Variants in SAMD3 observed in about 807,000 individuals in gnomAD.
The protein encoded by SAMD3 is sterile alpha motif domain containing 3, also known as sterile alpha motif domain-containing protein 3.
In SAMD3, 63 loss-of-function variants were observed where a neutral mutation model predicts 58.5. The observed-to-expected ratio is 1.08, with a 90% CI of 0.88 to 1.33. SAMD3 has a LOEUF of 1.33. Ranked by LOEUF, SAMD3 falls within the 40% of genes most tolerant of loss-of-function variation. SAMD3 has a pLI of 0.00. For synonymous variants in SAMD3, 220 were observed against 210.3 expected, an observed-to-expected ratio of 1.05 and a Z score of -0.40; for missense variants, 604 against 608.4, an observed-to-expected ratio of 0.99 and a Z score of 0.08.
rs551714875 is a variant in SAMD3 at position 130,174,864 on chromosome 6, C to T, written c.822+977G>A. ...GATATTTAAAGTACATACTTTCACCCGAGTTTTGCATGATGCATGATGCTG... is the reference window on the plus strand; with the variant it reads ...GATATTTAAAGTACATACTTTCACCTGAGTTTTGCATGATGCATGATGCTG... On this transcript the variant is annotated intron_variant, in intron 8 of 11. Transcript: ENST00000439090. Among the ~76,000 whole-genome samples, 12 of 152,222 alleles carry T rather than the reference C, an allele frequency of 7.9e-5. No individual in the cohort carries two copies. In the East Asian group the frequency reaches 1.7e-3, roughly 22 times the overall value.
At chr6:130,246,481 G>A (rs10872352) in intron 2 of SAMD3, among the ~76,000 whole-genome samples, 15,488 of 151,260 alleles carry the variant, frequency 0.1, 1,022 homozygotes, top group Admixed American at 0.15. Flanking sequence ...AGCTGTTTTC[G>A]GTAATCATGC....
intron 5 of SAMD3, among the ~76,000 whole-genome samples, chr6:130,198,044 C>T (rs1221089183): frequency 6.6e-6 from 1 of 152,152 alleles, no homozygotes; most frequent in Non-Finnish European, 1.5e-5. Context: ...CTCAGTCCTG[C>T]CTGCCAGAGA....
intron 1 of SAMD3, among the ~76,000 whole-genome samples, chr6:130,323,007 A>C (rs1776636574): frequency 6.6e-6 from 1 of 152,214 alleles, no homozygotes; most frequent in Non-Finnish European, 1.5e-5. Context: ...AAGTCAGACA[A>C]GGACTATCAT....
At chr6:130,313,946 TG>T (rs1776272656) in intron 1 of SAMD3, among the ~76,000 whole-genome samples, 1 of 152,266 alleles carries the variant, frequency 6.6e-6, no homozygotes, top group African/African-American at 2.4e-5. Context: ...TCTCATCTGC[TG>T]TTATCTGCTC....
At chr6:130,200,853 A>G (rs1794593045) in intron 5 of SAMD3, among the ~76,000 whole-genome samples, 1 of 152,116 alleles carries the variant, frequency 6.6e-6, no homozygotes, top group Admixed American at 6.5e-5. Context: ...GAGTGTGAAG[A>G]AGCCCTAGCT....
intron 2 of SAMD3, among the ~76,000 whole-genome samples, chr6:130,238,367 A>T (rs1171446578): frequency 6.6e-6 from 1 of 152,210 alleles, no homozygotes; most frequent in Non-Finnish European, 1.5e-5. Flanking sequence ...TCCCTATAAA[A>T]AGTAGCATAT....
intron 7 of SAMD3, among the ~76,000 whole-genome samples, chr6:130,181,756 G>A (rs898373795): frequency 2.0e-5 from 3 of 152,024 alleles, no homozygotes; most frequent in Admixed American, 6.6e-5. Context: ...AAGCAAGGGC[G>A]GGTGGGAAAC....
At chr6:130,248,225 A>C (rs1773621926) in intron 2 of SAMD3, among the ~76,000 whole-genome samples, 1 of 150,424 alleles carries the variant, frequency 6.6e-6, no homozygotes, top group Non-Finnish European at 1.5e-5. Context: ...CCAATCTGAA[A>C]AGTTTGTTTT....
At chr6:130,147,571 G>A (rs1350421641) in intron 9 of SAMD3, among the ~76,000 whole-genome samples, 1 of 152,102 alleles carries the variant, frequency 6.6e-6, no homozygotes, top group Admixed American at 6.6e-5. Context: ...CCTCTGTGCA[G>A]CTTCCCCCAA....
Position 130,145,423 on chromosome 6 carries a change from C to A in SAMD3, c.1196-1G>T. Reference sequence around the variant, plus strand: ...AAACATGTGGCTGTCATCTTCATGTCTGTCAAAGCAAATATGTTAACATGT... The same window carrying A: ...AAACATGTGGCTGTCATCTTCATGTATGTCAAAGCAAATATGTTAACATGT... On this transcript the variant is annotated splice_acceptor_variant, in intron 10 of 11. Transcript: ENST00000439090. LOFTEE classifies it high-confidence loss of function. 1 of 1,604,670 alleles carries A rather than the reference C, an allele frequency of 6.2e-7. No individual in the cohort carries two copies. Among genetic ancestry groups the A allele is most frequent in the Non-Finnish European group, 8.5e-7 (1 of 1,172,574 alleles).
At chr6:130,183,577 C>T (rs1287736457) in intron 7 of SAMD3, 5 of 363,742 alleles carry the variant, frequency 1.4e-5, no homozygotes, top group Non-Finnish European at 2.7e-5. Context: ...AAGACCCTTC[C>T]TAACCCTTAA....
intron 2 of SAMD3, among the ~76,000 whole-genome samples, chr6:130,278,304 C>T (rs187406503): frequency 6.6e-6 from 1 of 152,280 alleles, no homozygotes; most frequent in East Asian, 1.9e-4. Context: ...TCCTTAAAAA[C>T]TCTGATCCTT....
At chr6:130,152,467 AG>A (rs1789304978) in intron 9 of SAMD3, among the ~76,000 whole-genome samples, 1 of 152,034 alleles carries the variant, frequency 6.6e-6, no homozygotes. Flanking sequence ...ACCTGAGCTC[AG>A]GAGTTCAAGA....
At position 130,144,408 on chromosome 6, in the gene SAMD3, A is replaced by G. The variant is rs1788426810; in HGVS notation, c.*112T>C. 3.2e-6 allele frequency: 3 copies of G among 927,134 alleles called. No homozygotes were observed. The highest frequency in any genetic ancestry group is 4.9e-6 in the Non-Finnish European group (3 of 618,430). 57.4% of individuals were successfully genotyped at this position (927,134 alleles called of 1,614,324 possible). On this transcript the variant is annotated 3_prime_UTR_variant, in exon 12 of 12. Coordinates refer to ENST00000439090, the MANE Select transcript of SAMD3 (RefSeq NM_001017373.4). The stretch of plus-strand genomic sequence containing the variant: ...CATTGAAATTCATTAGCATCTATAA[A>G]TACAAGATGATTTTCTCATACCTAC...
intron 1 of SAMD3, among the ~76,000 whole-genome samples, chr6:130,318,713 G>A (rs1454215700): frequency 1.3e-5 from 2 of 152,206 alleles, no homozygotes; most frequent in South Asian, 2.1e-4. Context: ...ACAGGCATGA[G>A]CCACTGTGCC....
At chr6:130,261,981 A>G (rs960355591) in intron 2 of SAMD3, among the ~76,000 whole-genome samples, 1 of 152,128 alleles carries the variant, frequency 6.6e-6, no homozygotes, top group African/African-American at 2.4e-5. Flanking sequence ...AGAGAGGCAG[A>G]GAAAGAGAGG....
chr6:130,170,311 T>G (rs919336092), intron 8 of SAMD3, among the ~76,000 whole-genome samples: 1 of 152,240 alleles, frequency 6.6e-6, no homozygotes, highest in Non-Finnish European at 1.5e-5. Context: ...GGTTTCCTGT[T>G]TCTGTGTCAG....
intron 1 of SAMD3, among the ~76,000 whole-genome samples, chr6:130,349,400 A>T (rs1583141730): frequency 1.3e-5 from 2 of 152,222 alleles, no homozygotes; most frequent in African/African-American, 2.4e-5. Flanking sequence ...AGGGGATATC[A>T]CCACCAATCC....
rs1306124199 is a variant in SAMD3, at chr6:130,243,118, A to G, written c.-187-20305T>C. Among the ~76,000 whole-genome samples, 9 of 152,190 alleles carry G rather than the reference A, an allele frequency of 5.9e-5. No homozygotes were observed. The South Asian group carries it at 1.0e-3, about 18-fold the overall frequency. ...GAGCCTCATCTTTCTTTCACAGCCCACCCACATGTGAAAGGGCACATGACC... is the reference window on the plus strand; with the variant it reads ...GAGCCTCATCTTTCTTTCACAGCCCGCCCACATGTGAAAGGGCACATGACC... On this transcript the variant is annotated intron_variant, in intron 2 of 13. Transcript: ENST00000368134.
Sources: allele counts gnomAD v4.1 joint callset (sites outside exome capture counted in the v4.1 genomes callset), GRCh38; gene constraint gnomAD v4.1.1; transcripts MANE v1.5; gene names NCBI Gene and HGNC (gene_info 2026-07-23, HGNC 2026-07-21).